Variants in HCN2 observed in about 807,000 individuals in gnomAD.
HCN2 encodes hyperpolarization activated cyclic nucleotide gated potassium and sodium channel 2, also known as potassium/sodium hyperpolarization-activated cyclic nucleotide-gated channel 2.
A neutral mutation model predicts 52.3 loss-of-function variants in HCN2; 20 were observed. The ratio of observed to expected loss-of-function variants is 0.38; its 90% confidence interval spans 0.27 to 0.56. HCN2 has a LOEUF of 0.56. HCN2 is among the 20% of genes least tolerant of loss of function. HCN2 has a pLI of 0.71. For synonymous variants in HCN2, 694 were observed against 537.0 expected, an observed-to-expected ratio of 1.29 and a Z score of -4.04; for missense variants, 981 against 1,207.7, an observed-to-expected ratio of 0.81 and a Z score of 2.78.
In HCN2 at chr19:607,972, G is replaced by C. The variant is rs114340240; in HGVS notation, c.1227G>C (p.Ser409=). 82 of 1,611,066 alleles carry C rather than the reference G, an allele frequency of 5.1e-5. No homozygotes were observed. The African/African-American group carries it at 9.9e-4, about 19-fold the overall frequency. Residue 409 remains serine (S), a synonymous_variant, in exon 4 of 8, where the codon TCG becomes TCC. Transcript: ENST00000251287. ...TCCTGCTGGCCTTGCAGAACCACTC[G>C]TGGAGTGAACTGTACTCCTTCGCAC... The part of the protein sequence containing the change: ...WVSINGMVNH[S]WSELYSFALF...
rs1344265743 is a variant in HCN2, at chr19:590,173, C to T, written c.228C>T (p.Arg76=). ...ADEGGPRGRL[R]SRDSSCGRPG... ...AGGGCGGCCCGCGGGGCCGGCTCCG[C>T]AGCCGCGACAGCTCGTGCGGCCGCC... Residue 76 remains arginine, a synonymous_variant, in exon 1 of 8, where the codon CGC becomes CGT. Coordinates refer to ENST00000251287, the MANE Select transcript of HCN2 (RefSeq NM_001194.4). The surrounding 1 kb of genome is among the most constrained non-coding windows in gnomAD (Gnocchi z 7.2). The T allele has an allele frequency of 1.5e-5, 15 of 979,380 alleles. No homozygotes were observed. In the South Asian group the frequency reaches 3.2e-4, roughly 21 times the overall value. The allele number at this position is 979,380 out of a possible 1,614,324, so 60.7% of individuals were successfully genotyped here.
intron 1 of HCN2, among the ~76,000 whole-genome samples, chr19:602,392 T>C (rs1380252557): frequency 8.8e-6 from 1 of 113,154 alleles, no homozygotes; most frequent in Non-Finnish European, 1.8e-5. Context: ...CCCTCCTCTC[T>C]CCTCCTGCGT....
chr19:611,091 C>A (rs543356492), intron 5 of HCN2, among the ~76,000 whole-genome samples: 1 of 149,382 alleles, frequency 6.7e-6, no homozygotes, highest in African/African-American at 2.6e-5. Flanking sequence ...AGGGCCCACC[C>A]GGTTCCTCGT....
intron 6 of HCN2, among the ~76,000 whole-genome samples, 174 bp downstream of exon 6, chr19:613,662 CGGGGATGGGGAT>C (rs1156401344): frequency 0.076 from 997 of 13,072 alleles, 59 homozygotes; most frequent in East Asian, 0.17. Context: ...GGGATGGGGC[CGGGGATGGGGAT>C]GGGGCCGGGG....
intron 5 of HCN2, among the ~76,000 whole-genome samples, 154 bp downstream of exon 5, chr19:610,559 C>T (rs746579446): frequency 7.9e-5 from 12 of 152,208 alleles, no homozygotes; most frequent in South Asian, 2.1e-4. Flanking sequence ...CTCCCCTCCC[C>T]GCCCCGTGAG....
rs55810748 is a variant in HCN2 at position 616,509 on chromosome 19, G to A, written c.*35G>A. 193,789 of 1,173,954 alleles carry A rather than the reference G, an allele frequency of 0.17. 16,793 individuals carry two copies. Among genetic ancestry groups the A allele is most frequent in the South Asian group, 0.27 (10,537 of 38,674 alleles). 72.7% of individuals were successfully genotyped at this position (1,173,954 alleles called of 1,614,324 possible). On this transcript the variant is annotated 3_prime_UTR_variant, in exon 8 of 8. Transcript: ENST00000251287. ...ACCGCCCCGCGGGCCCAGGCGGGCC[G>A]GGGGCGGGGCCGTCATCCAGACCAA... is the stretch of plus-strand genomic sequence containing the variant.
At chr19:597,536 T>C (rs989800797) in intron 1 of HCN2, among the ~76,000 whole-genome samples, 9 of 149,664 alleles carry the variant, frequency 6.0e-5, no homozygotes, top group Non-Finnish European at 1.2e-4. Context: ...GTCTCCTTGG[T>C]GGTTTCTAGG....
At chr19:602,594 G>A (rs568142536) in intron 1 of HCN2, among the ~76,000 whole-genome samples, 17 of 152,272 alleles carry the variant, frequency 1.1e-4, no homozygotes, top group Admixed American at 5.9e-4. Flanking sequence ...TCCCGCCTTC[G>A]CTCTCCCTGT....
rs767756487 is a variant in HCN2, at chr19:610,396, C to T, written c.1575C>T (p.Pro525=). Residue 525 remains proline, a synonymous_variant, in exon 5 of 8, where the codon CCC becomes CCT. Coordinates refer to ENST00000251287, the MANE Select transcript of HCN2 (RefSeq NM_001194.4). ...GCATCCTGGGCGAGCTCAACGGGCC[C>T]CTGCGGGAGGTGAGGCGGGCGCCGG... ...EDSILGELNG[P]LREEIVNFNC... 4.5e-5 allele frequency: 73 copies of T among 1,613,176 alleles called. No individual in the cohort carries two copies. The highest frequency in any genetic ancestry group is 5.7e-5 in the Non-Finnish European group (67 of 1,179,604).
intron 6 of HCN2, 124 bp downstream of exon 6, chr19:613,612 GAT>G (rs1983750442): frequency 9.7e-6 from 1 of 102,640 alleles, no homozygotes; most frequent in Admixed American, 1.3e-4. Flanking sequence ...TGGGGCCGGG[GAT>G]GGGGATGGGG....
At chr19:602,912 CG>C (rs2144514840) in intron 1 of HCN2, among the ~76,000 whole-genome samples, 1 of 152,166 alleles carries the variant, frequency 6.6e-6, no homozygotes, top group East Asian at 1.9e-4. Context: ...AGCCTGGTCC[CG>C]AGGGAGGAGT....
At chr19:613,210 G>C in intron 5 of HCN2, 38 bp from the exon 6 acceptor site, 1 of 1,574,216 alleles carries the variant, frequency 6.4e-7, no homozygotes, top group Non-Finnish European at 8.6e-7. Context: ...AGCGGGAGTG[G>C]GGTCCGCAGC....
chr19:613,907 C>A lies in HCN2; in HGVS notation c.1881C>A (p.Tyr627Ter), dbSNP rs1334019338. ...CGGCGAGCGTGCGGGCTGACACCTA[C>A]TGCCGCCTCTATTCGCTGAGCGTGG... is the stretch of plus-strand genomic sequence containing the variant. ...RRTASVRADT[Y>*]CRLYSLSVDN... Residue 627 changes from tyrosine to a stop codon, truncating the protein, a stop_gained, in exon 7 of 8, where the codon TAC (tyrosine) becomes TAA (stop). Transcript: ENST00000251287. LOFTEE classifies it high-confidence loss of function. 6.2e-7 allele frequency: 1 copy of A among 1,602,776 alleles called. No homozygotes were observed. Among genetic ancestry groups the A allele is most frequent in the Non-Finnish European group, 8.5e-7 (1 of 1,174,578 alleles).
rs1568364177 is a variant in HCN2, at chr19:603,971, AG to A, written c.1056+6del. 1 of 438,254 alleles carries A rather than the reference AG, an allele frequency of 2.3e-6. No homozygotes were observed. Among genetic ancestry groups the A allele is most frequent in the African/African-American group, 4.2e-5 (1 of 23,912 alleles). The allele number at this position is 438,254 out of a possible 1,614,324, so 27.1% of individuals were successfully genotyped here. On this transcript the variant is annotated splice_donor_5th_base_variant and intron_variant, in intron 2 of 7. Transcript: ENST00000251287. ...CTACATCCATCAGTGGGAGGAGGTG[AG>A]GTGGGGCGGGGGCGGGGCCAAGGCA...
At chr19:601,903 G>A (rs1410560737) in intron 1 of HCN2, among the ~76,000 whole-genome samples, 1 of 151,994 alleles carries the variant, frequency 6.6e-6, no homozygotes, top group Admixed American at 6.6e-5. Flanking sequence ...TCCACCTTGG[G>A]GACTTGGACT....
At chr19:598,859 C>T (rs79480683) in intron 1 of HCN2, among the ~76,000 whole-genome samples, 35 of 152,394 alleles carry the variant, frequency 2.3e-4, no homozygotes, top group African/African-American at 8.4e-4. Context: ...CTGCCCGCCT[C>T]AGCCTCCTTA....
At position 592,910 on chromosome 19, in the gene HCN2, G is replaced by A. The variant is rs1190367929; in HGVS notation, c.632+2333G>A. On this transcript the variant is annotated intron_variant, in intron 1 of 7. Transcript: ENST00000251287. The surrounding 1 kb of genome is among the most constrained non-coding windows in gnomAD (Gnocchi z 4.8). ...GGCCCAAGGCCTCCTGTGCCTGGCT[G>A]GGTGTCTTGGGTCCTCGCTGGGCCC... 1.3e-5 allele frequency among the ~76,000 whole-genome samples: 2 copies of A among 152,214 alleles called. No homozygotes were observed. Among genetic ancestry groups the A allele is most frequent in the Non-Finnish European group, 2.9e-5 (2 of 68,036 alleles).
intron 5 of HCN2, 62 bp from the exon 6 acceptor site, chr19:613,186 C>G: frequency 6.5e-7 from 1 of 1,537,588 alleles, no homozygotes; most frequent in Non-Finnish European, 8.8e-7. Context: ...GTCCCAGAGG[C>G]AGGGCGAGGG....
At chr19:602,894 G>A (rs1404392611) in intron 1 of HCN2, among the ~76,000 whole-genome samples, 1 of 146,274 alleles carries the variant, frequency 6.8e-6, no homozygotes, top group African/African-American at 2.6e-5. Context: ...TGGCCTTCCT[G>A]GGGTGGGAGC....
Sources: gnomAD v4.1 joint callset for allele counts (sites outside exome capture counted in the v4.1 genomes callset) on GRCh38, gnomAD v4.1.1 for gene constraint, Gnocchi (gnomAD v3.1) non-coding constraint, MANE v1.5 for transcripts, NCBI Gene and HGNC (gene_info 2026-07-23, HGNC 2026-07-21) for gene names.